ITGBL1: variants seen among roughly 807,000 people sequenced by gnomAD.
ITGBL1 encodes integrin subunit beta like 1, also known as integrin beta-like protein 1.
Under a neutral mutation model 68.5 loss-of-function variants are expected in ITGBL1, and 51 were observed. The ratio of observed to expected loss-of-function variants is 0.74; its 90% CI spans 0.59 to 0.94. The LOEUF is 0.94. Ranked by LOEUF, ITGBL1 falls within the 40% of genes least tolerant of loss-of-function variation. ITGBL1 has a pLI of 0.00. For missense variants in ITGBL1, 649 were observed against 647.4 expected, an observed-to-expected ratio of 1.00 and a Z score of -0.03; for synonymous variants, 209 against 227.3, an observed-to-expected ratio of 0.92 and a Z score of 0.72.
chr13:101,634,046 A>C (rs975653259), intron 7 of ITGBL1, among the ~76,000 whole-genome samples: 1 of 152,220 alleles, frequency 6.6e-6, no homozygotes, highest in African/African-American at 2.4e-5. Context: ...CAATAGTACT[A>C]GTTTAACCTT....
At chr13:101,554,751 G>C (rs2049978059) in intron 2 of ITGBL1, among the ~76,000 whole-genome samples, 1 of 152,148 alleles carries the variant, frequency 6.6e-6, no homozygotes, top group African/African-American at 2.4e-5. Flanking sequence ...CCTGGGGTGG[G>C]GCAGGGGACA....
intron 2 of ITGBL1, among the ~76,000 whole-genome samples, chr13:101,476,747 A>C (rs185940341): frequency 1.9e-4 from 29 of 152,264 alleles, no homozygotes; most frequent in South Asian, 1.5e-3. Flanking sequence ...ACTATATAAG[A>C]GGCAAGTTTA....
At chr13:101,554,222 A>G (rs915919797) in intron 2 of ITGBL1, among the ~76,000 whole-genome samples, 2 of 152,226 alleles carry the variant, frequency 1.3e-5, no homozygotes, top group Non-Finnish European at 2.9e-5. Context: ...TTTTCAATAT[A>G]TGAATTGTAG....
At chr13:101,568,900 A>G (rs1001988470) in intron 3 of ITGBL1, among the ~76,000 whole-genome samples, 1 of 152,094 alleles carries the variant, frequency 6.6e-6, no homozygotes, top group African/African-American at 2.4e-5. Flanking sequence ...GTCATGACAA[A>G]TGGTCTTAGC....
intron 2 of ITGBL1, among the ~76,000 whole-genome samples, chr13:101,507,599 T>C (rs1180062597): frequency 6.6e-6 from 1 of 152,200 alleles, no homozygotes; most frequent in African/African-American, 2.4e-5. Flanking sequence ...ATGTAGTCTT[T>C]CTTGTCTTCT....
At chr13:101,507,008 A>G (rs2139099480) in intron 2 of ITGBL1, among the ~76,000 whole-genome samples, 1 of 152,310 alleles carries the variant, frequency 6.6e-6, no homozygotes, top group African/African-American at 2.4e-5. Flanking sequence ...GCTGGGGTGG[A>G]GGAAGAAGAA....
chr13:101,708,089 G>A (rs2139590574), intron 9 of ITGBL1, among the ~76,000 whole-genome samples: 1 of 150,572 alleles, frequency 6.6e-6, no homozygotes, highest in East Asian at 2.0e-4. Context: ...ATTGGAAGAG[G>A]ATTCCCCTGA....
chr13:101,474,892 C>T (rs1022872764), intron 2 of ITGBL1, among the ~76,000 whole-genome samples: 1 of 152,192 alleles, frequency 6.6e-6, no homozygotes, highest in Non-Finnish European at 1.5e-5. Flanking sequence ...AATGCAGACA[C>T]AGCTGCAATG....
rs148233886 is a variant in ITGBL1, at chr13:101,674,495, A to T, written c.1016-18090A>T. ...ATTATACTTCTAAATATGATGTTTG[A>T]TATAAATTTAGTTTAGATTACCTTC... On this transcript the variant is annotated intron_variant, in intron 7 of 10. Coordinates refer to ENST00000376180, the MANE Select transcript of ITGBL1 (RefSeq NM_004791.3). Among the ~76,000 whole-genome samples the T allele has an allele frequency of 4.6e-5, 7 of 152,302 alleles. No individual in the cohort carries two copies. The East Asian group carries it at 1.2e-3, about 25-fold the overall frequency.
At chr13:101,504,141 C>T (rs1293854748) in intron 2 of ITGBL1, among the ~76,000 whole-genome samples, 1 of 152,088 alleles carries the variant, frequency 6.6e-6, no homozygotes, top group Non-Finnish European at 1.5e-5. Context: ...AATTATTTTG[C>T]TTTATAAACA....
At chr13:101,500,358 A>G (rs141218655) in intron 2 of ITGBL1, among the ~76,000 whole-genome samples, 176 of 152,362 alleles carry the variant, frequency 1.2e-3, no homozygotes, top group African/African-American at 4.1e-3. Flanking sequence ...ATTTATAAGG[A>G]TGCAATTAAA....
chr13:101,527,238 G>A (rs1305352280), intron 2 of ITGBL1, among the ~76,000 whole-genome samples: 1 of 152,024 alleles, frequency 6.6e-6, no homozygotes, highest in Non-Finnish European at 1.5e-5. Context: ...ATTTCCTCAT[G>A]TCCCTTGACT....
At chr13:101,495,610 A>G (rs1299982733) in intron 2 of ITGBL1, among the ~76,000 whole-genome samples, 6 of 151,172 alleles carry the variant, frequency 4.0e-5, no homozygotes, top group Non-Finnish European at 8.8e-5. Flanking sequence ...AGAGGTAACT[A>G]GCAAAAGGGA....
At chr13:101,686,356 A>G (rs1188960587) in intron 7 of ITGBL1, among the ~76,000 whole-genome samples, 1 of 152,018 alleles carries the variant, frequency 6.6e-6, no homozygotes, top group Admixed American at 6.6e-5. Context: ...AATGTGATGT[A>G]TTTTTCATGG....
intron 2 of ITGBL1, among the ~76,000 whole-genome samples, chr13:101,557,811 CCGGGCA>C (rs1279255589): frequency 6.6e-6 from 1 of 151,896 alleles, no homozygotes; most frequent in Non-Finnish European, 1.5e-5. Context: ...TCATGAGGGG[CCGGGCA>C]CGGTGGCTCA....
At chr13:101,570,112 CCT>C (rs2050248913) in intron 3 of ITGBL1, among the ~76,000 whole-genome samples, 1 of 152,032 alleles carries the variant, frequency 6.6e-6, no homozygotes, top group African/African-American at 2.4e-5. Context: ...CAGGAATCCT[CCT>C]CTCTCATTTA....
intron 2 of ITGBL1, among the ~76,000 whole-genome samples, chr13:101,465,805 A>G (rs1192559848): frequency 1.3e-5 from 2 of 152,270 alleles, no homozygotes; most frequent in Non-Finnish European, 2.9e-5. Context: ...GTAGGGGCTC[A>G]GTAAATATAT....
intron 7 of ITGBL1, among the ~76,000 whole-genome samples, chr13:101,687,844 TGTC>T (rs1214072449): frequency 2.6e-5 from 4 of 152,144 alleles, no homozygotes; most frequent in Non-Finnish European, 5.9e-5. Flanking sequence ...GTTTCTGAAT[TGTC>T]TTCTTGCAAA....
intron 6 of ITGBL1, among the ~76,000 whole-genome samples, chr13:101,596,115 A>G (rs1050676142): frequency 6.6e-6 from 1 of 152,172 alleles, no homozygotes; most frequent in Non-Finnish European, 1.5e-5. Context: ...TCCTTTAAGA[A>G]GGAAATCCTT....
Sources: gnomAD v4.1 joint callset for allele counts (sites outside exome capture counted in the v4.1 genomes callset) on GRCh38, gnomAD v4.1.1 for gene constraint, MANE v1.5 for transcripts, NCBI Gene and HGNC (gene_info 2026-07-23, HGNC 2026-07-21) for gene names.